Variants in EPHA5 observed in about 807,000 individuals in gnomAD.
EPHA5 encodes EPH receptor A5.
A neutral mutation model predicts 105.0 loss-of-function variants in EPHA5; 60 were observed. The observed-to-expected ratio is 0.57, with a 90% CI of 0.46 to 0.71. EPHA5 has a LOEUF of 0.71. Among genes scored for constraint, EPHA5 ranks in the 30% least tolerant of loss-of-function variants. EPHA5 has a pLI of 0.00. For missense variants in EPHA5, 1,218 were observed against 1,274.7 expected, an observed-to-expected ratio of 0.96 and a Z score of 0.68; for synonymous variants, 513 against 449.1, an observed-to-expected ratio of 1.14 and a Z score of -1.80.
intron 3 of EPHA5, among the ~76,000 whole-genome samples, chr4:65,515,277 T>C (rs1168127179): frequency 1.3e-5 from 2 of 152,186 alleles, no homozygotes; most frequent in African/African-American, 2.4e-5. Context: ...TCCACCTACA[T>C]TGTTGTTTTC....
In EPHA5 at chr4:65,367,443, G is replaced by A. The variant is rs2148896704; in HGVS notation, c.1794-19C>T. The A allele has an allele frequency of 3.7e-6, 6 of 1,610,314 alleles. No homozygotes were observed. The highest frequency in any genetic ancestry group is 5.1e-6 in the Non-Finnish European group (6 of 1,177,964). ...ACACCGCCTGGAACAAAGTAAGCTA[G>A]AATTAGCCACATCTGAAAGTGGTGA... On this transcript the variant is annotated intron_variant, in intron 8 of 16. Coordinates refer to ENST00000613740, the MANE Select transcript of EPHA5 (RefSeq NM_001281766.3).
chr4:65,513,969 G>A (rs1733868577), intron 3 of EPHA5, among the ~76,000 whole-genome samples: 1 of 152,000 alleles, frequency 6.6e-6, no homozygotes, highest in Non-Finnish European at 1.5e-5. Flanking sequence ...ACCTACTCTA[G>A]TGACTGTTCT....
intron 2 of EPHA5, among the ~76,000 whole-genome samples, chr4:65,607,661 T>G (rs907753721): frequency 6.6e-6 from 1 of 152,156 alleles, no homozygotes; most frequent in African/African-American, 2.4e-5. Flanking sequence ...ACAATGGCGA[T>G]CATTAAAAAG....
intron 3 of EPHA5, chr4:65,573,901 G>C: frequency 6.2e-7 from 1 of 1,611,030 alleles, no homozygotes. Flanking sequence ...ATTACCCCCG[G>C]GACCATTCTG....
rs751667776 is a variant in EPHA5, at chr4:65,420,579, T to A, written c.1403-14A>T. The stretch of plus-strand genomic sequence containing the variant: ...CTGGAGATGGAGCTGCAAAATAGTT[T>A]AAATAAGGAGCAGTATGATTAATAA... On this transcript the variant is annotated splice_polypyrimidine_tract_variant and intron_variant, in intron 5 of 16. Transcript: ENST00000613740. 1.9e-6 allele frequency: 3 copies of A among 1,611,096 alleles called. No homozygotes were observed. Among genetic ancestry groups the A allele is most frequent in the Non-Finnish European group, 1.7e-6 (2 of 1,178,732 alleles).
At chr4:65,578,074 CTATCTT>C (rs1235506330) in intron 3 of EPHA5, among the ~76,000 whole-genome samples, 1 of 152,156 alleles carries the variant, frequency 6.6e-6, no homozygotes, top group African/African-American at 2.4e-5. Flanking sequence ...TGGGATATCT[CTATCTT>C]TATATCAGTA....
intron 5 of EPHA5, among the ~76,000 whole-genome samples, chr4:65,446,808 G>A (rs1320647640): frequency 2.0e-5 from 3 of 152,044 alleles, no homozygotes; most frequent in Non-Finnish European, 2.9e-5. Flanking sequence ...GACACAAATG[G>A]TGAAGTTGGA....
intron 2 of EPHA5, among the ~76,000 whole-genome samples, chr4:65,619,235 T>A (rs990197708): frequency 6.6e-6 from 1 of 152,198 alleles, no homozygotes; most frequent in South Asian, 2.1e-4. Context: ...CATAGACATT[T>A]GCACTAATCT....
rs147665337 is a variant in EPHA5 at position 65,345,778 on chromosome 4, C to CTTTTCTT, written c.2595+2275_2595+2276insAAGAAAA. Among the ~76,000 whole-genome samples the CTTTTCTT allele has an allele frequency of 2.9e-3, 440 of 151,048 alleles. 2 individuals carry two copies. Among genetic ancestry groups the CTTTTCTT allele is most frequent in the African/African-American group, 0.01 (417 of 41,260 alleles). On this transcript the variant is annotated intron_variant, in intron 14 of 16. Transcript: ENST00000613740. ...ATGCCTCTTCTTTTTCTTTTCTTTT[C>CTTTTCTT]TTTTTTTTTCTTGAGACAGAGTCTC...
chr4:65,632,003 C>T (rs1451699222), intron 2 of EPHA5, among the ~76,000 whole-genome samples: 3 of 151,968 alleles, frequency 2.0e-5, no homozygotes, highest in Non-Finnish European at 4.4e-5. Flanking sequence ...CAACATCACA[C>T]TGAGTCCTCA....
At chr4:65,662,732 A>AT (rs1194926707) in intron 1 of EPHA5, among the ~76,000 whole-genome samples, 17 of 152,002 alleles carry the variant, frequency 1.1e-4, no homozygotes, top group African/African-American at 3.6e-4. Context: ...CAGGGGTGAT[A>AT]TTTTTTAAAA....
At chr4:65,377,107 C>A (rs2148920541) in intron 8 of EPHA5, 1 of 1,575,282 alleles carries the variant, frequency 6.3e-7, no homozygotes. Flanking sequence ...AGAGATCCCA[C>A]TCCCTCAAAT....
chr4:65,635,931 G>A lies in EPHA5; in HGVS notation c.246+7432C>T, dbSNP rs374674757. ...AGATAAAGAGGGAGGAAAGCTTTAA[G>A]TGAGGAAATATTTATTTTACAGAGT... On this transcript the variant is annotated intron_variant, in intron 2 of 16. Transcript: ENST00000613740. 1.4e-4 allele frequency among the ~76,000 whole-genome samples: 22 copies of A among 152,240 alleles called. No homozygotes were observed. The East Asian group carries it at 2.5e-3, about 17-fold the overall frequency.
At chr4:65,502,841 T>C (rs922428880) in intron 3 of EPHA5, among the ~76,000 whole-genome samples, 1 of 151,610 alleles carries the variant, frequency 6.6e-6, no homozygotes, top group Non-Finnish European at 1.5e-5. Flanking sequence ...TAGTATTAAA[T>C]AGCAAAGGCA....
intron 8 of EPHA5, among the ~76,000 whole-genome samples, chr4:65,383,361 T>G (rs1719764145): frequency 6.6e-6 from 1 of 151,664 alleles, no homozygotes; most frequent in Non-Finnish European, 1.5e-5. Context: ...ATGATATTAG[T>G]GGCAACAATA....
chr4:65,668,380 G>A (rs1369818660), intron 1 of EPHA5, among the ~76,000 whole-genome samples: 2 of 152,162 alleles, frequency 1.3e-5, no homozygotes, highest in Non-Finnish European at 2.9e-5. Context: ...TGAGCCTCAC[G>A]CGTCGCATCC....
intron 1 of EPHA5, among the ~76,000 whole-genome samples, chr4:65,645,766 A>T (rs1390436394): frequency 2.6e-5 from 4 of 152,080 alleles, no homozygotes; most frequent in Non-Finnish European, 5.9e-5. Context: ...AATCTCTATA[A>T]TCTTACAGTG....
chr4:65,546,214 G>T (rs1181563502), intron 3 of EPHA5, among the ~76,000 whole-genome samples: 1 of 151,942 alleles, frequency 6.6e-6, no homozygotes, highest in African/African-American at 2.4e-5. Context: ...GCAGCACTGA[G>T]ATTCTCAATT....
chr4:65,576,961 G>C (rs927475257), intron 3 of EPHA5, among the ~76,000 whole-genome samples: 2 of 152,118 alleles, frequency 1.3e-5, no homozygotes, highest in African/African-American at 4.8e-5. Flanking sequence ...TCCACATAGA[G>C]AAAGAGGAAT....
Sources: allele counts gnomAD v4.1 joint callset (sites outside exome capture counted in the v4.1 genomes callset), GRCh38; gene constraint gnomAD v4.1.1; transcripts MANE v1.5; gene names NCBI Gene and HGNC (gene_info 2026-07-23, HGNC 2026-07-21).